The following NLGN1 variants were observed in gnomAD, a reference collection of about 807,000 sequenced individuals.
NLGN1 encodes the protein neuroligin-1.
A neutral mutation model predicts 65.5 loss-of-function variants in NLGN1; 12 were observed. The observed-to-expected ratio is 0.18, with a 90% CI of 0.12 to 0.30. The LOEUF (loss-of-function observed/expected upper bound fraction) is 0.30, where lower values mean the gene tolerates loss of function less well. NLGN1 is among the 10% of genes least tolerant of loss of function. The pLI is 1.00. For missense variants in NLGN1, 750 were observed against 1,007.1 expected (o/e 0.74, Z 3.46); for synonymous variants, 350 against 359.5 (o/e 0.97, Z 0.30).
intron 2 of NLGN1, among the ~76,000 whole-genome samples, chr3:173,436,096 T>C (rs1441315534): frequency 2.0e-5 from 3 of 152,202 alleles, no homozygotes; most frequent in African/African-American, 7.2e-5. Context: ...ATAACTCGCT[T>C]TTTACATCAA....
chr3:174,275,192 A>G, intron 4 of NLGN1, 123 bp from the exon 5 acceptor site: 1 of 673,878 alleles, frequency 1.5e-6, no homozygotes, highest in Non-Finnish European at 2.5e-6. Flanking sequence ...GTGGAAAATA[A>G]TTTTTACTAA....
chr3:173,929,444 A>G (rs1743634054), intron 4 of NLGN1, among the ~76,000 whole-genome samples: 1 of 152,132 alleles, frequency 6.6e-6, no homozygotes, highest in Non-Finnish European at 1.5e-5. Flanking sequence ...AGATTTGCCC[A>G]CACAATATCT....
chr3:173,982,324 G>C (rs1718953151), intron 4 of NLGN1, among the ~76,000 whole-genome samples: 1 of 151,946 alleles, frequency 6.6e-6, no homozygotes, highest in African/African-American at 2.4e-5. Context: ...AGATAAAAAA[G>C]TAATTGGATA....
chr3:173,539,270 G>A (rs991641598), intron 2 of NLGN1, among the ~76,000 whole-genome samples: 2 of 151,558 alleles, frequency 1.3e-5, no homozygotes, highest in Admixed American at 1.3e-4. Context: ...GTGCTGGTGG[G>A]GAGAAAGAAG....
intron 4 of NLGN1, among the ~76,000 whole-genome samples, chr3:174,222,327 A>G (rs989947690): frequency 6.6e-6 from 1 of 152,148 alleles, no homozygotes; most frequent in Non-Finnish European, 1.5e-5. Flanking sequence ...TATTTTGCAA[A>G]TACTTCAACT....
chr3:173,638,645 A>T (rs1756960473), intron 3 of NLGN1, among the ~76,000 whole-genome samples: 1 of 152,158 alleles, frequency 6.6e-6, no homozygotes, highest in Non-Finnish European at 1.5e-5. Flanking sequence ...AGTATACAAG[A>T]ATTGTAACTT....
chr3:174,265,775 ATATATATG>A (rs1213245563), intron 4 of NLGN1, among the ~76,000 whole-genome samples: 1 of 117,522 alleles, frequency 8.5e-6, no homozygotes, highest in African/African-American at 3.6e-5. Context: ...ATATATATAT[ATATATATG>A]TATATATATA....
downstream of NLGN1, among the ~76,000 whole-genome samples, chr3:174,287,217 A>G (rs1354267523): frequency 1.3e-5 from 2 of 151,542 alleles, no homozygotes; most frequent in Admixed American, 6.6e-5. Flanking sequence ...TATCTAATCA[A>G]TAATGATATT....
intron 2 of NLGN1, among the ~76,000 whole-genome samples, chr3:173,518,551 C>CAT (rs1734244728): frequency 6.7e-6 from 1 of 149,604 alleles, no homozygotes; most frequent in Non-Finnish European, 1.5e-5. Context: ...TGTGTGCATG[C>CAT]ATGTGTGTGT....
intron 3 of NLGN1, among the ~76,000 whole-genome samples, chr3:173,753,828 A>G (rs979806639): frequency 4.6e-5 from 7 of 151,656 alleles, no homozygotes; most frequent in African/African-American, 1.7e-4. Flanking sequence ...CAGCCACATT[A>G]GTCACTGTCT....
At chr3:173,924,634 T>A (rs569938090) in intron 4 of NLGN1, among the ~76,000 whole-genome samples, 5,662 of 150,046 alleles carry the variant, frequency 0.038, 175 homozygotes, top group African/African-American at 0.086. Context: ...AAAAAAAAAA[T>A]AAAAATAAAA....
intron 3 of NLGN1, among the ~76,000 whole-genome samples, chr3:173,739,837 T>G (rs77080780): frequency 0.018 from 2,797 of 152,232 alleles, 95 homozygotes; most frequent in African/African-American, 0.064. Context: ...CGCTTCTACT[T>G]TGCATGGCAA....
intron 4 of NLGN1, among the ~76,000 whole-genome samples, chr3:173,999,564 T>A (rs2152425051): frequency 6.6e-6 from 1 of 152,286 alleles, no homozygotes; most frequent in African/African-American, 2.4e-5. Flanking sequence ...TCATAGAATA[T>A]GTTTGGAAAA....
chr3:173,429,514 C>T (rs569021241), intron 1 of NLGN1, among the ~76,000 whole-genome samples: 42 of 152,124 alleles, frequency 2.8e-4, no homozygotes, highest in African/African-American at 7.7e-4. Context: ...TTTGTCTTTT[C>T]GTGGAGGTCA....
intron 4 of NLGN1, among the ~76,000 whole-genome samples, chr3:173,878,001 A>G (rs1405563860): frequency 1.3e-5 from 2 of 152,158 alleles, no homozygotes; most frequent in African/African-American, 4.8e-5. Flanking sequence ...TAGGGAATAC[A>G]GTTACCATAA....
At chr3:173,930,907 T>C (rs906077654) in intron 4 of NLGN1, among the ~76,000 whole-genome samples, 1 of 152,200 alleles carries the variant, frequency 6.6e-6, no homozygotes, top group African/African-American at 2.4e-5. Context: ...CTCTCTGATG[T>C]TGTTTCTTAC....
At chr3:174,025,891 G>T (rs550982877) in intron 4 of NLGN1, among the ~76,000 whole-genome samples, 1 of 152,074 alleles carries the variant, frequency 6.6e-6, no homozygotes, top group East Asian at 1.9e-4. Context: ...GACAGAATTT[G>T]TATTTTGTAG....
At chr3:173,676,819 A>G (rs1763236794) in intron 3 of NLGN1, among the ~76,000 whole-genome samples, 1 of 152,066 alleles carries the variant, frequency 6.6e-6, no homozygotes. Context: ...GTCTCTTCTG[A>G]TAAGACATTG....
At chr3:173,755,950 T>C (rs1028851138) in intron 3 of NLGN1, among the ~76,000 whole-genome samples, 33 of 152,260 alleles carry the variant, frequency 2.2e-4, no homozygotes, top group African/African-American at 7.9e-4. Context: ...GAAGATCAAT[T>C]GTATCATTGG....
Sources: allele counts gnomAD v4.1 joint callset (sites outside exome capture counted in the v4.1 genomes callset), GRCh38; gene constraint gnomAD v4.1.1; transcripts MANE v1.5; gene names NCBI Gene and HGNC (gene_info 2026-07-23, HGNC 2026-07-21).